Variants in IFT52 observed in about 807,000 individuals in gnomAD.
IFT52 encodes the protein intraflagellar transport 52.
A neutral mutation model predicts 54.4 loss-of-function variants in IFT52; 44 were observed. That is an observed-to-expected ratio of 0.81 (90% CI 0.63 to 1.04). The LOEUF is 1.04. Ranked by LOEUF, IFT52 falls within the 50% of genes least tolerant of loss-of-function variation. The pLI is 0.00. For missense variants in IFT52, 452 were observed against 523.6 expected (o/e 0.86, Z 1.33); for synonymous variants, 181 against 185.3 (o/e 0.98, Z 0.19).
chr20:43,632,450 G>A (rs1288613157), intron 10 of IFT52, among the ~76,000 whole-genome samples: 1 of 151,756 alleles, frequency 6.6e-6, no homozygotes, highest in South Asian at 2.1e-4. Flanking sequence ...TAATAGAGAC[G>A]GGGTTTCACC....
intron 6 of IFT52, among the ~76,000 whole-genome samples, chr20:43,613,345 C>A (rs551771653): frequency 5.3e-5 from 8 of 152,304 alleles, no homozygotes; most frequent in Admixed American, 5.2e-4. Context: ...TTTAGTTCTC[C>A]CAGTTACAGT....
intron 12 of IFT52, among the ~76,000 whole-genome samples, chr20:43,641,064 A>G (rs1396703872): frequency 6.6e-6 from 1 of 151,360 alleles, no homozygotes; most frequent in Non-Finnish European, 1.5e-5. Flanking sequence ...AGGAAGAAAG[A>G]AATTACAGTA....
At chr20:43,610,217 G>A (rs6030982) in intron 6 of IFT52, among the ~76,000 whole-genome samples, 113,448 of 145,132 alleles carry the variant, frequency 0.78, 44,719 homozygotes, top group Non-Finnish European at 0.82. Flanking sequence ...GCTTGAACCC[G>A]GGAGGCGGAG....
chr20:43,635,702 T>C (rs1985482987), intron 10 of IFT52, among the ~76,000 whole-genome samples: 1 of 152,228 alleles, frequency 6.6e-6, no homozygotes, highest in Non-Finnish European at 1.5e-5. Flanking sequence ...GTCTTTGCTA[T>C]TGTGAATAGT....
chr20:43,616,384 C>T (rs1983857645), intron 7 of IFT52, among the ~76,000 whole-genome samples: 1 of 151,712 alleles, frequency 6.6e-6, no homozygotes, highest in Non-Finnish European at 1.5e-5. Flanking sequence ...TGGTGAGTGC[C>T]TGTAATCCCA....
chr20:43,634,850 C>T (rs1985413500), intron 10 of IFT52, among the ~76,000 whole-genome samples: 2 of 152,020 alleles, frequency 1.3e-5, no homozygotes, highest in African/African-American at 4.8e-5. Context: ...TGTCTGTGTG[C>T]TCTCATCATT....
In IFT52 at chr20:43,642,930, G is replaced by A. The variant is rs181467286; in HGVS notation, c.1266+306G>A. ...GCCTGTAATCCCAACACTTTGGGAG[G>A]CTGAGGTAGGCAGATCACCCGAGGT... On this transcript the variant is annotated intron_variant, in intron 13 of 13. Transcript: ENST00000373030. Among the ~76,000 whole-genome samples, 10 of 152,294 alleles carry A rather than the reference G, an allele frequency of 6.6e-5. No homozygotes were observed. In the East Asian group the frequency reaches 1.7e-3, roughly 26 times the overall value.
intron 10 of IFT52, among the ~76,000 whole-genome samples, chr20:43,628,475 G>A (rs1568782152): frequency 2.0e-5 from 3 of 152,208 alleles, no homozygotes; most frequent in African/African-American, 2.4e-5. Flanking sequence ...TCTGGTGGAT[G>A]AGAAAAGTTG....
chr20:43,636,059 G>A lies in IFT52; in HGVS notation c.1011+46G>A, dbSNP rs767874715. On this transcript the variant is annotated intron_variant, in intron 11 of 13. Coordinates refer to ENST00000373030, the MANE Select transcript of IFT52 (RefSeq NM_016004.5). ...GATCCCACTGCAGAGCCCCACTGTT[G>A]CCCTTATCTTGTCAGCAGGCATTCG... The A allele has an allele frequency of 1.9e-6, 3 of 1,572,492 alleles. No individual in the cohort carries two copies. The South Asian group carries it at 3.3e-5, about 17-fold the overall frequency.
intron 3 of IFT52, among the ~76,000 whole-genome samples, chr20:43,597,750 CG>C: frequency 6.6e-6 from 1 of 151,886 alleles, no homozygotes; most frequent in East Asian, 1.9e-4. Context: ...AAAAATTAGC[CG>C]GGCGTGATGG....
intron 6 of IFT52, among the ~76,000 whole-genome samples, chr20:43,611,998 C>G (rs1983487559): frequency 6.6e-6 from 1 of 151,874 alleles, no homozygotes; most frequent in African/African-American, 2.4e-5. Flanking sequence ...CCATTGCACT[C>G]CAGCCTGGGT....
At chr20:43,626,853 T>C (rs956278538) in intron 10 of IFT52, among the ~76,000 whole-genome samples, 7 of 151,304 alleles carry the variant, frequency 4.6e-5, no homozygotes, top group Non-Finnish European at 8.8e-5. Context: ...CACCCCAGAG[T>C]TTAGAATTTA....
intron 3 of IFT52, among the ~76,000 whole-genome samples, chr20:43,600,699 A>C (rs8184818): frequency 3.3e-5 from 5 of 152,202 alleles, no homozygotes; most frequent in African/African-American, 1.2e-4. Flanking sequence ...AGCTGGGCGC[A>C]GTAGCTTACT....
intron 3 of IFT52, among the ~76,000 whole-genome samples, chr20:43,602,036 A>G (rs537053962): frequency 6.6e-6 from 1 of 152,324 alleles, no homozygotes; most frequent in East Asian, 1.9e-4. Context: ...CAAATGGACC[A>G]TCTACCAATA....
chr20:43,599,651 T>TA (rs1187252519), intron 3 of IFT52, among the ~76,000 whole-genome samples: 1 of 152,178 alleles, frequency 6.6e-6, no homozygotes, highest in Non-Finnish European at 1.5e-5. Flanking sequence ...CCTAGACTGT[T>TA]ACCCCTGGAG....
In IFT52 at chr20:43,594,694, TA is replaced by T; in HGVS notation, c.-3del. 6.7e-7 allele frequency: 1 copy of T among 1,499,372 alleles called. No individual in the cohort carries two copies. The highest frequency in any genetic ancestry group is 9.3e-7 in the Non-Finnish European group (1 of 1,076,166). The allele number at this position is 1,499,372 out of a possible 1,614,324, so 92.9% of individuals were successfully genotyped here. A position where few individuals can be genotyped will look rare whatever the true frequency, so the allele number is the denominator to read the frequency against. ...CTGATCCCATCTTTCTTCCATAAGG[TA>T]ACCATGGAGAAAGAGCTGCGGAGCA... On this transcript the variant is annotated splice_region_variant and 5_prime_UTR_variant, in exon 2 of 14. Transcript: ENST00000373030.
intron 12 of IFT52, 133 bp downstream of exon 12, chr20:43,637,386 C>A (rs978006396): frequency 6.4e-6 from 3 of 468,488 alleles, no homozygotes; most frequent in Non-Finnish European, 1.1e-5. Flanking sequence ...TCTCAGCCTC[C>A]CGAGTAGCTG....
intron 3 of IFT52, among the ~76,000 whole-genome samples, chr20:43,597,036 C>T (rs1186528472): frequency 2.6e-5 from 4 of 151,018 alleles, no homozygotes; most frequent in African/African-American, 4.9e-5. Flanking sequence ...CCACCGAGCC[C>T]AGCCAGTAGC....
At chr20:43,599,552 T>C (rs1279733172) in intron 3 of IFT52, among the ~76,000 whole-genome samples, 2 of 152,106 alleles carry the variant, frequency 1.3e-5, no homozygotes, top group African/African-American at 4.8e-5. Context: ...TAGCTTTTTT[T>C]CTAGGAATCA....
Sources: gnomAD v4.1 joint callset for allele counts (sites outside exome capture counted in the v4.1 genomes callset) on GRCh38, gnomAD v4.1.1 for gene constraint, MANE v1.5 for transcripts, NCBI Gene and HGNC (gene_info 2026-07-23, HGNC 2026-07-21) for gene names.